The following BTNL8 variants were observed in gnomAD, a reference collection of about 807,000 sequenced individuals.
The protein encoded by BTNL8 is butyrophilin like 8, also known as butyrophilin-like protein 8.
BTNL8 carries 22 observed loss-of-function variants against 36.1 expected under a neutral mutation model. The observed-to-expected ratio is 0.61, with a 90% CI of 0.44 to 0.87. The LOEUF is 0.87. BTNL8 is among the 40% of genes least tolerant of loss of function. The pLI is 0.00. For synonymous variants in BTNL8, 203 were observed against 235.6 expected (o/e 0.86, Z 1.27); for missense variants, 526 against 616.9 (o/e 0.85, Z 1.56).
intron 3 of BTNL8, among the ~76,000 whole-genome samples, chr5:180,944,728 T>C (rs762132190): frequency 6.6e-6 from 1 of 152,242 alleles, no homozygotes; most frequent in Non-Finnish European, 1.5e-5. Context: ...ATTTGATCAT[T>C]ACATATTGTA....
In BTNL8 at chr5:180,930,061, C is replaced by T. The variant is rs536124186; in HGVS notation, c.674-17451C>T. On this transcript the variant is annotated intron_variant, in intron 3 of 7. Coordinates refer to ENST00000340184, the MANE Select transcript of BTNL8 (RefSeq NM_001040462.3). ...TCCTGATAAACATCAATGTGAAAATCCTCAATAAAATACTGGCAAAGCAAA... is the reference window on the plus strand; with the variant it reads ...TCCTGATAAACATCAATGTGAAAATTCTCAATAAAATACTGGCAAAGCAAA... Among the ~76,000 whole-genome samples, 435 of 152,284 alleles carry T rather than the reference C, an allele frequency of 2.9e-3. 1 individual carries two copies. The highest frequency in any genetic ancestry group is 5.2e-3 in the Non-Finnish European group (356 of 68,022).
intron 7 of BTNL8, 107 bp downstream of exon 7, chr5:180,949,372 C>A: frequency 7.1e-7 from 1 of 1,405,500 alleles, no homozygotes. Context: ...TGAGACCCAT[C>A]CTGCCTGCAG....
chr5:180,908,460 T>G, intron 1 of BTNL8, 126 bp from the exon 2 acceptor site: 1 of 882,166 alleles, frequency 1.1e-6, no homozygotes, highest in Non-Finnish European at 1.7e-6. Context: ...AATGCAGAAA[T>G]CACCCATGTT....
intron 4 of BTNL8, chr5:180,947,914 C>G: frequency 1.9e-6 from 2 of 1,065,290 alleles, no homozygotes; most frequent in African/African-American, 3.2e-5. Context: ...ACCACCAAGA[C>G]TCCTATTAAA....
In BTNL8 at chr5:180,914,342, C is replaced by T. The variant is rs1757530797; in HGVS notation, c.673+2728C>T. Among the ~76,000 whole-genome samples the T allele has an allele frequency of 1.3e-5, 2 of 152,136 alleles. 1 individual carries two copies. The highest frequency in any genetic ancestry group is 4.1e-4 in the South Asian group (2 of 4,824). ...AACAGAGGACAGTCCTCATCAGATG[C>T]CAAATCTATTGATACTTGACCTTGG... On this transcript the variant is annotated intron_variant, in intron 3 of 7. Transcript: ENST00000340184.
intron 3 of BTNL8, among the ~76,000 whole-genome samples, chr5:180,916,210 C>T (rs1393434201): frequency 6.6e-6 from 1 of 152,158 alleles, no homozygotes; most frequent in African/African-American, 2.4e-5. Flanking sequence ...CTTAAGGGTC[C>T]CACCTGTCAA....
intron 3 of BTNL8, among the ~76,000 whole-genome samples, chr5:180,941,110 GAGGAAGGAAGGAAGGA>G (rs1177352611): frequency 9.6e-4 from 122 of 126,902 alleles, no homozygotes; most frequent in Admixed American, 1.8e-3. Context: ...GGAAGGAAGG[GAGGAAGGAAGGAAGGA>G]AGGAAGGAAG....
At chr5:180,929,605 GAC>G (rs1250385776) in intron 3 of BTNL8, among the ~76,000 whole-genome samples, 1 of 151,998 alleles carries the variant, frequency 6.6e-6, no homozygotes. Context: ...GAATCAAATA[GAC>G]ACAATAAAAA....
At position 180,908,578 on chromosome 5, in the gene BTNL8, T is replaced by C. The variant is rs1320974559; in HGVS notation, c.50-8T>C. On this transcript the variant is annotated splice_polypyrimidine_tract_variant and splice_region_variant and intron_variant, in intron 1 of 7. Transcript: ENST00000340184. ...TTGATGATTTATCTTTTGTATGTCT[T>C]CCCACAGGGCAGTGGCAGGTGTTTG... 4 of 1,612,358 alleles carry C rather than the reference T, an allele frequency of 2.5e-6. No homozygotes were observed. The highest frequency in any genetic ancestry group is 3.4e-6 in the Non-Finnish European group (4 of 1,178,820).
rs551391560 is a variant in BTNL8 at position 180,933,810 on chromosome 5, A to T, written c.674-13702A>T. Reference sequence around the variant, plus strand: ...CTGACTTAGTAATAAAAATTCTCCCATCAAAGAAAAGCCCAGGACCCAGTG... The same window carrying T: ...CTGACTTAGTAATAAAAATTCTCCCTTCAAAGAAAAGCCCAGGACCCAGTG... On this transcript the variant is annotated intron_variant, in intron 3 of 7. Transcript: ENST00000340184. 9.5e-4 allele frequency among the ~76,000 whole-genome samples: 144 copies of T among 152,320 alleles called. 2 individuals carry two copies. Among genetic ancestry groups the T allele is most frequent in the Admixed American group, 2.0e-3 (31 of 15,296 alleles).
At chr5:180,908,550 G>C (rs779655661) in intron 1 of BTNL8, 36 bp from the exon 2 acceptor site, 4 of 1,601,738 alleles carry the variant, frequency 2.5e-6, no homozygotes, top group Non-Finnish European at 3.4e-6. Flanking sequence ...ACTACAAAGG[G>C]TTTTGATGAT....
intron 4 of BTNL8, 133 bp from the exon 5 acceptor site, chr5:180,948,222 G>A: frequency 1.6e-6 from 2 of 1,279,358 alleles, no homozygotes; most frequent in South Asian, 2.5e-5. Context: ...GGGGAGACGA[G>A]CACATATAAG....
At chr5:180,934,147 T>C (rs1758531356) in intron 3 of BTNL8, among the ~76,000 whole-genome samples, 1 of 152,182 alleles carries the variant, frequency 6.6e-6, no homozygotes, top group African/African-American at 2.4e-5. Flanking sequence ...TATATACAAA[T>C]ATAAATGTCA....
chr5:180,915,398 G>C (rs534490681), intron 3 of BTNL8, among the ~76,000 whole-genome samples: 10 of 152,376 alleles, frequency 6.6e-5, no homozygotes, highest in African/African-American at 2.2e-4. Context: ...ACAATCTTGA[G>C]TATTTTAGGG....
intron 1 of BTNL8, among the ~76,000 whole-genome samples, chr5:180,907,042 T>C (rs1433502444): frequency 9.7e-6 from 1 of 103,506 alleles, no homozygotes; most frequent in East Asian, 2.5e-4. Context: ...TGGCGTTCTC[T>C]GTATTTCCTG....
chr5:180,900,502 G>A (rs1185204714), intron 1 of BTNL8, among the ~76,000 whole-genome samples: 1 of 152,194 alleles, frequency 6.6e-6, no homozygotes, highest in African/African-American at 2.4e-5. Context: ...AGTGAAAGGA[G>A]ATGTTATAGG....
chr5:180,902,426 G>C, intron 1 of BTNL8: 21 of 1,543,818 alleles, frequency 1.4e-5, no homozygotes, highest in Non-Finnish European at 1.8e-5. Flanking sequence ...CAAGTCACTG[G>C]CTTTAGAAAT....
intron 1 of BTNL8, among the ~76,000 whole-genome samples, chr5:180,905,717 G>A (rs1234968225): frequency 7.5e-6 from 1 of 133,152 alleles, no homozygotes; most frequent in Non-Finnish European, 1.6e-5. Context: ...AGAGATTCTG[G>A]TATGTTGTGT....
At chr5:180,947,290 C>T (rs1759305723) in intron 3 of BTNL8, among the ~76,000 whole-genome samples, 1 of 152,076 alleles carries the variant, frequency 6.6e-6, no homozygotes, top group Admixed American at 6.5e-5. Context: ...AAAGGAATGT[C>T]CATTCAATAA....
Sources: allele counts gnomAD v4.1 joint callset (sites outside exome capture counted in the v4.1 genomes callset), GRCh38; gene constraint gnomAD v4.1.1; transcripts MANE v1.5; gene names NCBI Gene and HGNC (gene_info 2026-07-23, HGNC 2026-07-21).